CDH7: variants seen among roughly 807,000 people sequenced by gnomAD.
The protein encoded by CDH7 is cadherin-7.
Under a neutral mutation model 71.8 loss-of-function variants are expected in CDH7, and 25 were observed. That is an observed-to-expected ratio of 0.35 (90% CI 0.25 to 0.49). The LOEUF (loss-of-function observed/expected upper bound fraction) is 0.49, where lower values mean the gene tolerates loss of function less well. Among genes scored for constraint, CDH7 ranks in the 20% least tolerant of loss-of-function variants. CDH7 has a pLI of 0.99. For synonymous variants in CDH7, 381 were observed against 363.8 expected (o/e 1.05, Z -0.54); for missense variants, 862 against 974.6 (o/e 0.88, Z 1.54).
chr18:65,779,816 C>T lies in CDH7; in HGVS notation c.210+16764C>T, dbSNP rs1910112021. 4.3e-5 allele frequency among the ~76,000 whole-genome samples: 3 copies of T among 70,542 alleles called. 1 individual carries two copies. In the South Asian group the frequency reaches 1.9e-3, roughly 44 times the overall value. 46.3% of individuals were successfully genotyped at this position (70,542 alleles called of 152,430 possible). On this transcript the variant is annotated intron_variant, in intron 2 of 11. Coordinates refer to ENST00000397968, the MANE Select transcript of CDH7 (RefSeq NM_004361.5). ...TGATTTATAGTCATTTGGGTATATA[C>T]CCAGTAATGGGTTGGCTGGGTCAAA...
intron 2 of CDH7, among the ~76,000 whole-genome samples, chr18:65,782,079 TTTCCTTCCTTCCTTCCTTCCTTCCTTCC>T (rs1223384409): frequency 2.3e-5 from 1 of 43,134 alleles, no homozygotes; most frequent in African/African-American, 2.1e-4. Context: ...TCTTTCTTTC[TTTCCTTCCTTCCTTCCTTCCTTCCTTCC>T]TTCTTTCTTT....
Position 65,881,054 on chromosome 18 carries a change from C to T in CDH7, c.*160C>T. The T allele has an allele frequency of 1.3e-6, 1 of 746,512 alleles. No individual in the cohort carries two copies. The highest frequency in any genetic ancestry group is 2.1e-6 in the Non-Finnish European group (1 of 487,586). The allele number at this position is 746,512 out of a possible 1,614,324, so 46.2% of individuals were successfully genotyped here. A position where few individuals can be genotyped will look rare whatever the true frequency, so the allele number is the denominator to read the frequency against. On this transcript the variant is annotated 3_prime_UTR_variant, in exon 12 of 12. Coordinates refer to ENST00000397968, the MANE Select transcript of CDH7 (RefSeq NM_004361.5). ...TCTCCATTTTTAATTGTTTAGATTT[C>T]TGCCTTGGTGAGGCATATCTTCATT...
At chr18:65,766,203 G>A (rs1408706872) in intron 2 of CDH7, among the ~76,000 whole-genome samples, 1 of 151,786 alleles carries the variant, frequency 6.6e-6, no homozygotes, top group East Asian at 1.9e-4. Flanking sequence ...ATAATTAGTG[G>A]GTAAAAAATT....
chr18:65,804,676 C>T (rs1275801514), intron 2 of CDH7, among the ~76,000 whole-genome samples: 2 of 150,144 alleles, frequency 1.3e-5, no homozygotes, highest in African/African-American at 2.5e-5. Flanking sequence ...CATGCAAGCA[C>T]GTTTCAACCC....
chr18:65,803,465 T>G (rs1911198286), intron 2 of CDH7: 1 of 152,208 alleles, frequency 6.6e-6, no homozygotes, highest in Admixed American at 6.5e-5. Context: ...TAATATCTTC[T>G]TAAACCACAC....
rs1030561436 is a variant in CDH7 at position 65,788,667 on chromosome 18, T to A, written c.211-21037T>A. 2.0e-5 allele frequency among the ~76,000 whole-genome samples: 3 copies of A among 152,310 alleles called. No individual in the cohort carries two copies. The East Asian group carries it at 5.8e-4, about 29-fold the overall frequency. ...CACCTCGTGGACCAGATAGAGCTTT[T>A]TGCTGATGCCACTTGCCAGACACTT... is the stretch of plus-strand genomic sequence containing the variant. On this transcript the variant is annotated intron_variant, in intron 2 of 11. Coordinates refer to ENST00000397968, the MANE Select transcript of CDH7 (RefSeq NM_004361.5).
rs1912122556 is a variant in CDH7 at position 65,826,182 on chromosome 18, T to TA, written c.981+1352dup. Among the ~76,000 whole-genome samples, 4 of 151,538 alleles carry TA rather than the reference T, an allele frequency of 2.6e-5. No homozygotes were observed. The South Asian group carries it at 8.3e-4, about 31-fold the overall frequency. ...AGACAAAAAAACCTAGATTAAAAAT[T>TA]ATGTCATCTAAAAGCATAAAACTCA... On this transcript the variant is annotated intron_variant, in intron 6 of 11. Transcript: ENST00000397968.
Position 65,762,691 on chromosome 18 carries a change from G to A in CDH7, c.-152G>A. On this transcript the variant is annotated 5_prime_UTR_variant, in exon 2 of 12. Transcript: ENST00000397968. ...TTGGCGAAGGCTATTCAGCAGTGGTGACCTCTTCCAATCCAACACTCTACA... is the reference window on the plus strand; with the variant it reads ...TTGGCGAAGGCTATTCAGCAGTGGTAACCTCTTCCAATCCAACACTCTACA... 1.6e-6 allele frequency: 1 copy of A among 619,378 alleles called. No individual in the cohort carries two copies. The highest frequency in any genetic ancestry group is 2.0e-5 in the South Asian group (1 of 48,930). The allele number at this position is 619,378 out of a possible 1,614,324, so 38.4% of individuals were successfully genotyped here. A position where few individuals can be genotyped will look rare whatever the true frequency, so the allele number is the denominator to read the frequency against.
intron 6 of CDH7, among the ~76,000 whole-genome samples, chr18:65,837,364 G>C (rs1393859946): frequency 6.6e-6 from 1 of 152,136 alleles, no homozygotes; most frequent in African/African-American, 2.4e-5. Flanking sequence ...GGCCAGTTGT[G>C]TTTGATGATT....
At chr18:65,757,371 T>C (rs904455406) in intron 1 of CDH7, among the ~76,000 whole-genome samples, 1 of 152,138 alleles carries the variant, frequency 6.6e-6, no homozygotes, top group African/African-American at 2.4e-5. Context: ...GCTTAAGGGA[T>C]TTTTACCTCT....
chr18:65,767,948 C>T (rs1193345493), intron 2 of CDH7, among the ~76,000 whole-genome samples: 1 of 152,116 alleles, frequency 6.6e-6, no homozygotes, highest in African/African-American at 2.4e-5. Context: ...TAAAAAGTCA[C>T]CTCAGTTCAG....
At chr18:65,781,714 T>A (rs985111049) in intron 2 of CDH7, among the ~76,000 whole-genome samples, 1 of 151,980 alleles carries the variant, frequency 6.6e-6, no homozygotes, top group Admixed American at 6.6e-5. Context: ...GAACTACAAA[T>A]AGAGCAAACA....
chr18:65,759,081 A>G (rs763798918), intron 1 of CDH7, among the ~76,000 whole-genome samples: 1 of 152,162 alleles, frequency 6.6e-6, no homozygotes, highest in South Asian at 2.1e-4. Flanking sequence ...AGCTAATTTG[A>G]TAAATCTCCA....
chr18:65,784,400 G>A (rs1910436467), intron 2 of CDH7, among the ~76,000 whole-genome samples: 1 of 152,114 alleles, frequency 6.6e-6, no homozygotes, highest in Admixed American at 6.5e-5. Context: ...TGAAGCAGGA[G>A]TGGCCTACTA....
At chr18:65,796,945 T>C (rs1910938776) in intron 2 of CDH7, among the ~76,000 whole-genome samples, 1 of 152,164 alleles carries the variant, frequency 6.6e-6, no homozygotes, top group South Asian at 2.1e-4. Flanking sequence ...GGAAACCTAT[T>C]ACAGTTTAAA....
intron 1 of CDH7, among the ~76,000 whole-genome samples, chr18:65,757,914 A>G (rs1916079129): frequency 6.6e-6 from 1 of 152,098 alleles, no homozygotes; most frequent in African/African-American, 2.4e-5. Flanking sequence ...ACTCCTGTAT[A>G]TGAAACTCAG....
At chr18:65,770,824 G>C (rs905871967) in intron 2 of CDH7, among the ~76,000 whole-genome samples, 4 of 152,154 alleles carry the variant, frequency 2.6e-5, no homozygotes, top group Admixed American at 6.5e-5. Flanking sequence ...ATACTACTTT[G>C]TCATAATACC....
At chr18:65,754,904 A>G (rs1360915999) in intron 1 of CDH7, among the ~76,000 whole-genome samples, 2 of 152,192 alleles carry the variant, frequency 1.3e-5, no homozygotes, top group East Asian at 1.9e-4. Flanking sequence ...GAAGGGAAAA[A>G]GCAATTTTAA....
chr18:65,765,981 CAT>C (rs1916351836), intron 2 of CDH7, among the ~76,000 whole-genome samples: 1 of 152,020 alleles, frequency 6.6e-6, no homozygotes, highest in African/African-American at 2.4e-5. Context: ...TATTTCATTA[CAT>C]ATTAATTATA....
Sources: gnomAD v4.1 joint callset for allele counts (sites outside exome capture counted in the v4.1 genomes callset) on GRCh38, gnomAD v4.1.1 for gene constraint, MANE v1.5 for transcripts, NCBI Gene and HGNC (gene_info 2026-07-23, HGNC 2026-07-21) for gene names.